The following HCRTR2 variants were observed in gnomAD, a reference collection of about 807,000 sequenced individuals.
The protein encoded by HCRTR2 is orexin receptor type 2.
Under a neutral mutation model 49.0 loss-of-function variants are expected in HCRTR2, and 22 were observed. The observed-to-expected ratio is 0.45, with a 90% CI of 0.32 to 0.64. The LOEUF (loss-of-function observed/expected upper bound fraction) is 0.64. Ranked by LOEUF, HCRTR2 falls within the 30% of genes least tolerant of loss-of-function variation. The probability of loss-of-function intolerance (pLI) is 0.04; values close to 1 mark genes in which losing one functional copy is unlikely to be tolerated. For missense variants in HCRTR2, 491 were observed against 559.4 expected, an observed-to-expected ratio of 0.88 and a Z score of 1.23; for synonymous variants, 236 against 205.3, an observed-to-expected ratio of 1.15 and a Z score of -1.28.
intron 1 of HCRTR2, among the ~76,000 whole-genome samples, chr6:55,143,226 A>G (rs908808733): frequency 2.4e-4 from 36 of 151,866 alleles, no homozygotes; most frequent in Non-Finnish European, 5.9e-5. Flanking sequence ...AATTATCCTG[A>G]CTTCTTATAG....
At chr6:55,156,756 T>A (rs776551736) in intron 1 of HCRTR2, among the ~76,000 whole-genome samples, 9 of 151,800 alleles carry the variant, frequency 5.9e-5, no homozygotes, top group Non-Finnish European at 1.0e-4. Context: ...TTAATGAAAA[T>A]CAACCAGTGC....
chr6:55,181,303 T>C (rs1359577557), intron 1 of HCRTR2, among the ~76,000 whole-genome samples: 1 of 152,166 alleles, frequency 6.6e-6, no homozygotes, highest in Non-Finnish European at 1.5e-5. Context: ...GAGTATAAAA[T>C]GTTTTCATTT....
chr6:55,158,517 T>C (rs1764761294), intron 1 of HCRTR2, among the ~76,000 whole-genome samples: 1 of 152,152 alleles, frequency 6.6e-6, no homozygotes, highest in Non-Finnish European at 1.5e-5. Context: ...GCTCGGTGGA[T>C]CCCACTCCCA....
At chr6:55,164,225 A>C (rs1764845452) in intron 1 of HCRTR2, among the ~76,000 whole-genome samples, 1 of 152,200 alleles carries the variant, frequency 6.6e-6, no homozygotes, top group Non-Finnish European at 1.5e-5. Context: ...GTGATTCCTC[A>C]AGGATCTAGA....
At chr6:55,267,188 T>C (rs1164742647) in intron 4 of HCRTR2, among the ~76,000 whole-genome samples, 1 of 152,160 alleles carries the variant, frequency 6.6e-6, no homozygotes, top group African/African-American at 2.4e-5. Context: ...ATGCGTGCCA[T>C]AGGCTACATC....
upstream of HCRTR2, among the ~76,000 whole-genome samples, chr6:55,172,625 T>C (rs1764967227): frequency 6.6e-6 from 1 of 152,180 alleles, no homozygotes; most frequent in African/African-American, 2.4e-5. Flanking sequence ...AAAAGTATTC[T>C]ATAAATAGAA....
intron 1 of HCRTR2, among the ~76,000 whole-genome samples, chr6:55,184,425 C>T: frequency 6.6e-6 from 1 of 152,156 alleles, no homozygotes; most frequent in East Asian, 1.9e-4. Flanking sequence ...TTTTACATCA[C>T]ATTTTGGCCT....
At chr6:55,214,639 C>A (rs1179520946) in intron 1 of HCRTR2, among the ~76,000 whole-genome samples, 2 of 151,822 alleles carry the variant, frequency 1.3e-5, no homozygotes, top group African/African-American at 4.8e-5. Flanking sequence ...CCATGCCTGA[C>A]CTGTTTTGTT....
rs191384752 is a variant in HCRTR2, at chr6:55,221,535, C to A, written c.224-27104C>A. Among the ~76,000 whole-genome samples, 435 of 152,188 alleles carry A rather than the reference C, an allele frequency of 2.9e-3. 1 individual carries two copies. Among genetic ancestry groups the A allele is most frequent in the South Asian group, 8.9e-3 (43 of 4,814 alleles). ...TGAATTAAAAATTAAAGATCTGGGCCGGGCGTGGTGGCTCACGCCTGTAAT... is the reference window on the plus strand; with the variant it reads ...TGAATTAAAAATTAAAGATCTGGGCAGGGCGTGGTGGCTCACGCCTGTAAT... On this transcript the variant is annotated intron_variant, in intron 1 of 6. Coordinates refer to ENST00000370862, the MANE Select transcript of HCRTR2 (RefSeq NM_001384272.1).
At chr6:55,136,888 G>T (rs564535372) in intron 1 of HCRTR2, among the ~76,000 whole-genome samples, 1 of 152,286 alleles carries the variant, frequency 6.6e-6, no homozygotes, top group African/African-American at 2.4e-5. Flanking sequence ...CCACCTTGTG[G>T]CTATGGCATC....
At chr6:55,122,704 C>G (rs1326931799) in intron 1 of HCRTR2, among the ~76,000 whole-genome samples, 1 of 151,998 alleles carries the variant, frequency 6.6e-6, no homozygotes, top group Admixed American at 6.6e-5. Flanking sequence ...ATAGCAAAGA[C>G]TTGGAACCAA....
chr6:55,268,844 A>T (rs1269595196), intron 4 of HCRTR2, among the ~76,000 whole-genome samples: 1 of 152,082 alleles, frequency 6.6e-6, no homozygotes, highest in East Asian at 1.9e-4. Flanking sequence ...TAATCCCAGC[A>T]CTTTGGGAGG....
At chr6:55,121,719 C>T (rs1026794172) in intron 1 of HCRTR2, among the ~76,000 whole-genome samples, 1 of 152,082 alleles carries the variant, frequency 6.6e-6, no homozygotes, top group Admixed American at 6.6e-5. Context: ...TTGAGATAAT[C>T]ATGTGGTTTT....
At chr6:55,234,745 T>TA (rs2127301418) in intron 1 of HCRTR2, among the ~76,000 whole-genome samples, 1 of 152,236 alleles carries the variant, frequency 6.6e-6, no homozygotes, top group South Asian at 2.1e-4. Flanking sequence ...CTGGTAAGTG[T>TA]AAAAACTAGT....
At chr6:55,155,615 G>T (rs901780923) in intron 1 of HCRTR2, among the ~76,000 whole-genome samples, 2 of 151,876 alleles carry the variant, frequency 1.3e-5, no homozygotes, top group African/African-American at 4.8e-5. Context: ...GAATTCCCAA[G>T]GCCTAAGAGC....
At chr6:55,197,613 C>T (rs1321645563) in intron 1 of HCRTR2, among the ~76,000 whole-genome samples, 2 of 152,070 alleles carry the variant, frequency 1.3e-5, no homozygotes, top group Non-Finnish European at 2.9e-5. Context: ...AACCCTGAAA[C>T]TAAGCTTGAT....
chr6:55,187,232 C>T (rs1765231751), intron 1 of HCRTR2, among the ~76,000 whole-genome samples: 1 of 151,592 alleles, frequency 6.6e-6, no homozygotes, highest in Non-Finnish European at 1.5e-5. Context: ...TGGTAAAACC[C>T]CATCTCTACT....
chr6:55,263,763 C>G lies in HCRTR2; in HGVS notation c.703C>G (p.Pro235Ala). The G allele has an allele frequency of 6.2e-7, 1 of 1,612,928 alleles. No homozygotes were observed. Among genetic ancestry groups the G allele is most frequent in the Non-Finnish European group, 8.5e-7 (1 of 1,179,284 alleles). ...ICFFLVTYMA[P>A]LCLMVLAYLQ... is the part of the protein sequence containing the mutation. Reference sequence around the variant, plus strand: ...TTTCTTTCTGGTGACATACATGGCACCACTGTGTCTCATGGTGTTGGCTTA... The same window carrying G: ...TTTCTTTCTGGTGACATACATGGCAGCACTGTGTCTCATGGTGTTGGCTTA... Residue 235 changes from proline to alanine, a missense_variant, in exon 4 of 7, where the codon CCA becomes GCA. Pro to Ala is a conservative substitution (Grantham distance 27). Transcript: ENST00000370862.
Position 55,251,455 on chromosome 6 carries a change from C to A in HCRTR2, c.402+2638C>A, listed in dbSNP as rs913206616. On this transcript the variant is annotated intron_variant, in intron 2 of 6. Transcript: ENST00000370862. ...AACATGTATTCAGCTATTTGCTGAACAATTATCATGTATTTCACTTCTCTT... is the reference window on the plus strand; with the variant it reads ...AACATGTATTCAGCTATTTGCTGAAAAATTATCATGTATTTCACTTCTCTT... 2.0e-5 allele frequency among the ~76,000 whole-genome samples: 3 copies of A among 152,102 alleles called. No individual in the cohort carries two copies. The South Asian group carries it at 6.2e-4, about 32-fold the overall frequency.
Sources: allele counts gnomAD v4.1 joint callset (sites outside exome capture counted in the v4.1 genomes callset), GRCh38; gene constraint gnomAD v4.1.1; transcripts MANE v1.5; gene names NCBI Gene and HGNC (gene_info 2026-07-23, HGNC 2026-07-21).